Variants in COL4A2 observed in about 807,000 individuals in gnomAD.
The protein encoded by COL4A2 is collagen type IV alpha 2 chain.
COL4A2 carries 99 observed loss-of-function variants against 200.2 expected under a neutral mutation model. The ratio of observed to expected loss-of-function variants is 0.49; its 90% CI spans 0.42 to 0.58. The LOEUF (loss-of-function observed/expected upper bound fraction) is 0.58. Among genes scored for constraint, COL4A2 ranks in the 20% least tolerant of loss-of-function variants. The pLI, the probability that COL4A2 is intolerant of heterozygous loss-of-function variation, is 0.00. For synonymous variants in COL4A2, 897 were observed against 900.6 expected (o/e 1.00, Z 0.07); for missense variants, 1,950 against 2,314.1 (o/e 0.84, Z 3.23).
chr13:110,338,809 A>G (rs1299804763), intron 3 of COL4A2, among the ~76,000 whole-genome samples: 2 of 152,248 alleles, frequency 1.3e-5, no homozygotes, highest in Non-Finnish European at 2.9e-5. Context: ...GTTCTCTCCC[A>G]CAGCCAAGAA....
chr13:110,324,365 CTTCT>C (rs1288387341), intron 3 of COL4A2, among the ~76,000 whole-genome samples: 1 of 152,220 alleles, frequency 6.6e-6, no homozygotes, highest in Non-Finnish European at 1.5e-5. Context: ...GGACTCGCTC[CTTCT>C]TGACACCTGT....
At chr13:110,394,725 G>A (rs986932976) in intron 4 of COL4A2, among the ~76,000 whole-genome samples, 4 of 152,134 alleles carry the variant, frequency 2.6e-5, no homozygotes, top group African/African-American at 9.7e-5. Flanking sequence ...TCCGCGGGTG[G>A]GCCGATGAAT....
chr13:110,477,350 G>C (rs1882741060), intron 29 of COL4A2, among the ~76,000 whole-genome samples: 1 of 152,262 alleles, frequency 6.6e-6, no homozygotes, highest in Non-Finnish European at 1.5e-5. Context: ...TTTTGCTTCA[G>C]TGCTAACGCT....
rs973514776 is a variant in COL4A2 at position 110,484,613 on chromosome 13, G to T, written c.2903-292G>T. 3.3e-5 allele frequency among the ~76,000 whole-genome samples: 5 copies of T among 152,130 alleles called. No homozygotes were observed. The East Asian group carries it at 9.6e-4, about 29-fold the overall frequency. ...GACCTTCTCACAAAGCATCCTATGG[G>T]AGTCACACTGGCTTTGACCGCTCCC... On this transcript the variant is annotated intron_variant, in intron 32 of 47. Transcript: ENST00000360467.
rs1408438668 is a variant in COL4A2, at chr13:110,492,196, C to T, written c.3562+19C>T. ...TTACCAGGTAAGGTCACGTAAAACA[C>T]GTGGTCACCCAGACCCAGAGTCGTG... is the stretch of plus-strand genomic sequence containing the variant. On this transcript the variant is annotated intron_variant, in intron 38 of 47. Transcript: ENST00000360467. 5.2e-6 allele frequency: 8 copies of T among 1,546,948 alleles called. No individual in the cohort carries two copies. Among genetic ancestry groups the T allele is most frequent in the African/African-American group, 2.7e-5 (2 of 73,092 alleles).
chr13:110,480,274 G>A lies in COL4A2; in HGVS notation c.2642G>A (p.Gly881Asp), dbSNP rs1882854073. 6.2e-7 allele frequency: 1 copy of A among 1,613,642 alleles called. No individual in the cohort carries two copies. Among genetic ancestry groups the A allele is most frequent in the Admixed American group, 1.7e-5 (1 of 59,958 alleles). The change falls in exon 31 of 48, where the codon GGC becomes GAC. Residue 881 changes from glycine to aspartate, a missense_variant. Around this residue, in one of 2 missense-constraint regions of COL4A2, gnomAD observed 1,385 missense variants for 1,720.5 expected, o/e 0.80. Coordinates refer to ENST00000360467, the MANE Select transcript of COL4A2 (RefSeq NM_001846.4). ...PGDTGAPGPV[G>D]MKGLSGDRGD... ...GACACAGGCGCTCCTGGCCCTGTGG[G>A]CATGAAAGGTCTCTCTGGTGACAGA...
At chr13:110,391,934 T>C (rs1391909923) in intron 4 of COL4A2, among the ~76,000 whole-genome samples, 1 of 152,230 alleles carries the variant, frequency 6.6e-6, no homozygotes, top group Non-Finnish European at 1.5e-5. Flanking sequence ...CTTGGGCTCT[T>C]TCTGCCCCCA....
intron 4 of COL4A2, among the ~76,000 whole-genome samples, chr13:110,417,331 C>G (rs779436677): frequency 7.2e-5 from 11 of 151,878 alleles, no homozygotes; most frequent in Non-Finnish European, 1.5e-4. Context: ...GACTCTCCTT[C>G]CTTTTCGAAC....
At chr13:110,404,296 T>C (rs1449599144) in intron 4 of COL4A2, among the ~76,000 whole-genome samples, 1 of 152,268 alleles carries the variant, frequency 6.6e-6, no homozygotes, top group Non-Finnish European at 1.5e-5. Flanking sequence ...CGACTCATAT[T>C]TGAAGGTTCT....
intron 38 of COL4A2, among the ~76,000 whole-genome samples, 160 bp downstream of exon 38, chr13:110,492,337 G>C (rs1373090737): frequency 6.6e-6 from 1 of 152,174 alleles, no homozygotes; most frequent in Non-Finnish European, 1.5e-5. Flanking sequence ...CAACATAGCA[G>C]CACAGGGTAT....
intron 28 of COL4A2, among the ~76,000 whole-genome samples, chr13:110,471,467 G>A (rs1882464197): frequency 6.6e-6 from 1 of 152,200 alleles, no homozygotes; most frequent in African/African-American, 2.4e-5. Flanking sequence ...ATGCAGAAGA[G>A]GATAAAATGC....
chr13:110,396,058 C>T (rs1879170574), intron 4 of COL4A2, among the ~76,000 whole-genome samples: 2 of 152,206 alleles, frequency 1.3e-5, no homozygotes, highest in African/African-American at 4.8e-5. Flanking sequence ...TCTTCTCCCC[C>T]TTCTATTGTT....
chr13:110,428,080 C>T (rs1033165428), intron 6 of COL4A2, among the ~76,000 whole-genome samples: 6 of 152,006 alleles, frequency 3.9e-5, no homozygotes, highest in African/African-American at 1.5e-4. Context: ...TTGTTTTCTA[C>T]AGGGATAAGG....
rs747342940 is a variant in COL4A2, at chr13:110,458,790, A to T, written c.1452A>T (p.Arg484Ser). ...KGWKGDAGEC[R>S]CTEGDEAIKG... ...CTGCAGGTGACGCTGGGGAATGCAG[A>T]TGTACAGAAGGCGACGAAGCTATCA... The change falls in exon 22 of 48, where the codon AGA becomes AGT. Residue 484 changes from arginine to serine, a missense_variant. Transcript: ENST00000360467. 4 of 1,613,972 alleles carry T rather than the reference A, an allele frequency of 2.5e-6. No individual in the cohort carries two copies. The highest frequency in any genetic ancestry group is 1.7e-5 in the Admixed American group (1 of 59,996).
rs563207266 is a variant in COL4A2 at position 110,338,598 on chromosome 13, C to T, written c.100-18874C>T. Among the ~76,000 whole-genome samples the T allele has an allele frequency of 8.1e-4, 123 of 152,278 alleles. 2 individuals carry two copies. In the South Asian group the frequency reaches 0.023, roughly 29 times the overall value. ...TCTGCCGAGAAGCTAAACCTGGGAC[C>T]CCAGGGATGGTTTATCTGGAAGATT... On this transcript the variant is annotated intron_variant, in intron 3 of 47. Coordinates refer to ENST00000360467, the MANE Select transcript of COL4A2 (RefSeq NM_001846.4).
rs117352390 is a variant in COL4A2 at position 110,403,533 on chromosome 13, T to A, written c.181-21201T>A. On this transcript the variant is annotated intron_variant, in intron 4 of 47. Transcript: ENST00000360467. ...TGTCTGAGACCTCATCAGAATGGCC[T>A]TTCCTGTACACATTTCTACCAACAT... is the stretch of plus-strand genomic sequence containing the variant. 3.0e-4 allele frequency among the ~76,000 whole-genome samples: 46 copies of A among 152,320 alleles called. No individual in the cohort carries two copies. In the East Asian group the frequency reaches 8.7e-3, roughly 29 times the overall value.
At chr13:110,372,831 G>A (rs780872791) in intron 4 of COL4A2, among the ~76,000 whole-genome samples, 1 of 152,164 alleles carries the variant, frequency 6.6e-6, no homozygotes, top group Non-Finnish European at 1.5e-5. Flanking sequence ...GGCAGGTTTT[G>A]TTGTTTGTCT....
intron 18 of COL4A2, among the ~76,000 whole-genome samples, chr13:110,449,312 G>A (rs554885864): frequency 1.4e-5 from 2 of 141,716 alleles, no homozygotes; most frequent in African/African-American, 4.9e-5. Flanking sequence ...TATGCATCCA[G>A]CAGACAGGGA....
intron 8 of COL4A2, 123 bp downstream of exon 8, chr13:110,430,079 G>A: frequency 1.0e-6 from 1 of 994,978 alleles, no homozygotes; most frequent in Non-Finnish European, 1.4e-6. Flanking sequence ...GCCTAGAATG[G>A]CGGCATAATC....
Sources: allele counts gnomAD v4.1 joint callset (sites outside exome capture counted in the v4.1 genomes callset), GRCh38; gene constraint gnomAD v4.1.1; regional missense constraint gnomAD v4.1.1; transcripts MANE v1.5; gene names NCBI Gene and HGNC (gene_info 2026-07-23, HGNC 2026-07-21).